WDSUB1: variants seen among roughly 807,000 people sequenced by gnomAD.
The protein encoded by WDSUB1 is WD repeat, SAM and U-box domain-containing protein 1.
A neutral mutation model predicts 53.9 loss-of-function variants in WDSUB1; 49 were observed. The observed-to-expected ratio is 0.91, with a 90% CI of 0.72 to 1.15. The LOEUF is 1.15. Among genes scored for constraint, WDSUB1 ranks in the 50% most tolerant of loss-of-function variants. WDSUB1 has a pLI of 0.00. For synonymous variants in WDSUB1, 194 were observed against 200.6 expected (o/e 0.97, Z 0.28); for missense variants, 514 against 562.0 (o/e 0.91, Z 0.86).
chr2:159,249,017 C>T (rs923544268), intron 9 of WDSUB1, among the ~76,000 whole-genome samples: 12 of 152,170 alleles, frequency 7.9e-5, no homozygotes. Context: ...GTATAGAATA[C>T]TGTTGGTTAA....
At chr2:159,244,435 T>G (rs906663964) in intron 10 of WDSUB1, among the ~76,000 whole-genome samples, 4 of 151,086 alleles carry the variant, frequency 2.6e-5, no homozygotes, top group African/African-American at 9.7e-5. Flanking sequence ...TACAAAGCAC[T>G]TACATTGTAT....
chr2:159,282,537 C>T (rs10490001), intron 2 of WDSUB1, 135 bp downstream of exon 2: 39,418 of 1,045,650 alleles, frequency 0.038, 1,663 homozygotes, highest in African/African-American at 0.17. Flanking sequence ...TATTGGCTTC[C>T]TAGGGTCATC....
intron 9 of WDSUB1, among the ~76,000 whole-genome samples, chr2:159,251,353 GTGCTAATACT>G (rs2060948534): frequency 1.3e-5 from 2 of 152,210 alleles, no homozygotes; most frequent in East Asian, 3.9e-4. Context: ...TTCTACATGT[GTGCTAATACT>G]TACAATGCTT....
At chr2:159,244,310 T>TA (rs1346886483) in intron 10 of WDSUB1, among the ~76,000 whole-genome samples, 1 of 151,824 alleles carries the variant, frequency 6.6e-6, no homozygotes, top group African/African-American at 2.4e-5. Context: ...GAAAGTCTAT[T>TA]AAGCTTCTAT....
chr2:159,276,262 A>G (rs1201518144), intron 3 of WDSUB1, among the ~76,000 whole-genome samples: 2 of 152,078 alleles, frequency 1.3e-5, no homozygotes, highest in African/African-American at 2.4e-5. Context: ...GGGTTTCCCC[A>G]TATTGGCCAG....
intron 5 of WDSUB1, among the ~76,000 whole-genome samples, chr2:159,260,366 A>G (rs983226342): frequency 3.9e-5 from 6 of 152,182 alleles, no homozygotes; most frequent in African/African-American, 1.4e-4. Flanking sequence ...AAACAATAGT[A>G]TATACTATTT....
At chr2:159,278,651 G>C (rs920299017) in intron 3 of WDSUB1, among the ~76,000 whole-genome samples, 1 of 152,190 alleles carries the variant, frequency 6.6e-6, no homozygotes, top group Non-Finnish European at 1.5e-5. Flanking sequence ...ACCAGGTAAA[G>C]GGTCTGCACG....
At chr2:159,273,630 G>A (rs1384911479) in intron 4 of WDSUB1, among the ~76,000 whole-genome samples, 1 of 152,024 alleles carries the variant, frequency 6.6e-6, no homozygotes, top group East Asian at 1.9e-4. Flanking sequence ...ATGTTGGCCA[G>A]GCTGGTATCA....
At chr2:159,283,673 AAG>A in intron 1 of WDSUB1, among the ~76,000 whole-genome samples, 4 of 149,044 alleles carry the variant, frequency 2.7e-5, no homozygotes. Flanking sequence ...AAAAAAAAAA[AAG>A]AAAAAAAATC....
Position 159,257,997 on chromosome 2 carries a change from T to C in WDSUB1, c.805-12A>G. On this transcript the variant is annotated splice_polypyrimidine_tract_variant and intron_variant, in intron 6 of 10. Transcript: ENST00000359774. ...ATATTCTCAGTATTCTGAAAAACAA[T>C]AAAAACAGCTTTAAATTTACTCAAG... 2 of 1,611,116 alleles carry C rather than the reference T, an allele frequency of 1.2e-6. No individual in the cohort carries two copies. The highest frequency in any genetic ancestry group is 1.7e-6 in the Non-Finnish European group (2 of 1,179,010).
At chr2:159,280,583 T>C (rs1011225008) in intron 2 of WDSUB1, among the ~76,000 whole-genome samples, 4 of 145,674 alleles carry the variant, frequency 2.7e-5, no homozygotes, top group Admixed American at 6.9e-5. Flanking sequence ...CCCAGCTACT[T>C]GGGAGGCTGA....
chr2:159,284,339 T>TA (rs1416800886), intron 1 of WDSUB1, among the ~76,000 whole-genome samples: 2 of 152,224 alleles, frequency 1.3e-5, no homozygotes, highest in Non-Finnish European at 2.9e-5. Flanking sequence ...GCCTTTCTCA[T>TA]AAGGAGTTCT....
chr2:159,265,065 C>T lies in WDSUB1; in HGVS notation c.771-5222G>A, dbSNP rs981758643. Among the ~76,000 whole-genome samples, 5 of 137,014 alleles carry T rather than the reference C, an allele frequency of 3.6e-5. No individual in the cohort carries two copies. The East Asian group carries it at 1.1e-3, about 30-fold the overall frequency. 89.9% of individuals were successfully genotyped at this position (137,014 alleles called of 152,430 possible). ...CGCCATTGCAGTCCAGACTGGGTAACAAGAGCGAAACTCCATCTCAAAAAA... is the reference window on the plus strand; with the variant it reads ...CGCCATTGCAGTCCAGACTGGGTAATAAGAGCGAAACTCCATCTCAAAAAA... On this transcript the variant is annotated intron_variant, in intron 5 of 10. Coordinates refer to ENST00000359774, the MANE Select transcript of WDSUB1 (RefSeq NM_001128212.3).
intron 3 of WDSUB1, among the ~76,000 whole-genome samples, chr2:159,276,230 T>G (rs887688217): frequency 1.3e-5 from 2 of 152,010 alleles, no homozygotes; most frequent in African/African-American, 4.8e-5. Flanking sequence ...CCCGGCTAAT[T>G]TCTGTGTTTT....
At chr2:159,265,911 GCT>G (rs964011696) in intron 5 of WDSUB1, among the ~76,000 whole-genome samples, 25 of 152,278 alleles carry the variant, frequency 1.6e-4, no homozygotes, top group Admixed American at 1.1e-3. Context: ...CGCCATCACA[GCT>G]CTGAGGGCTG....
chr2:159,281,513 T>C (rs2061662240), intron 2 of WDSUB1, among the ~76,000 whole-genome samples: 1 of 137,318 alleles, frequency 7.3e-6, no homozygotes, highest in Admixed American at 7.0e-5. Context: ...AATTAATTGG[T>C]TTTTTCCAAA....
Position 159,282,954 on chromosome 2 carries a change from A to C in WDSUB1, c.116T>G (p.Leu39Ter). The C allele has an allele frequency of 6.2e-7, 1 of 1,614,226 alleles. No individual in the cohort carries two copies. The highest frequency in any genetic ancestry group is 8.5e-7 in the Non-Finnish European group (1 of 1,180,034). The change falls in exon 2 of 11, where the codon TTA (leucine) becomes TGA (stop). Residue 39 changes from leucine to a stop codon, truncating the protein, a stop_gained. Transcript: ENST00000359774. LOFTEE classifies it high-confidence loss of function. ...SLDKTIRLYS[L>*]RDFTELPHSP... ...ATGTGGCAGTTCAGTAAAGTCACGT[A>C]ACGAGTACAGGCGAATTGTTTTGTC... is the stretch of plus-strand genomic sequence containing the variant.
At chr2:159,278,094 C>A (rs376850094) in intron 3 of WDSUB1, among the ~76,000 whole-genome samples, 17 of 152,096 alleles carry the variant, frequency 1.1e-4, no homozygotes, top group Non-Finnish European at 2.2e-4. Context: ...ATCTTCAGAT[C>A]ATTTAGAACC....
intron 9 of WDSUB1, among the ~76,000 whole-genome samples, chr2:159,254,946 TAGAG>T (rs1314006856): frequency 6.6e-6 from 1 of 152,004 alleles, no homozygotes; most frequent in Admixed American, 6.5e-5. Context: ...GCCTGGGCAA[TAGAG>T]AGACCTCATC....
Sources: gnomAD v4.1 joint callset for allele counts (sites outside exome capture counted in the v4.1 genomes callset) on GRCh38, gnomAD v4.1.1 for gene constraint, MANE v1.5 for transcripts, NCBI Gene and HGNC (gene_info 2026-07-23, HGNC 2026-07-21) for gene names.